The following CDH13 variants were observed in gnomAD, a reference collection of about 807,000 sequenced individuals.
The protein encoded by CDH13 is cadherin 13.
In CDH13, 24 loss-of-function variants were observed where a neutral mutation model predicts 63.8. The ratio of observed to expected loss-of-function variants is 0.38; its 90% CI spans 0.27 to 0.53. CDH13 has a LOEUF of 0.53. Ranked by LOEUF, CDH13 falls within the 20% of genes least tolerant of loss-of-function variation. The pLI, the probability that CDH13 is intolerant of heterozygous loss-of-function variation, is 0.85. For synonymous variants in CDH13, 503 were observed against 355.3 expected (o/e 1.42, Z -4.67); for missense variants, 1,049 against 903.1 (o/e 1.16, Z -2.07).
At position 83,545,014 on chromosome 16, in the gene CDH13, C is replaced by T. The variant is rs144366762; in HGVS notation, c.961-57440C>T. On this transcript the variant is annotated intron_variant, in intron 7 of 13. Transcript: ENST00000567109. ...TTTCCTTAAACTAACTAGAAGATTC[C>T]ATTCACTGGAAACATACTTAATGAT... Among the ~76,000 whole-genome samples the T allele has an allele frequency of 8.6e-4, 131 of 152,300 alleles. 1 individual carries two copies. The highest frequency in any genetic ancestry group is 3.0e-3 in the African/African-American group (124 of 41,572).
rs116405352 is a variant in CDH13 at position 82,934,398 on chromosome 16, G to T, written c.157+75925G>T. ...GTCCTTAGGCTGCACACAGCTGGGG[G>T]GCCCTGGCTCCAGCCCACAAAACCA... On this transcript the variant is annotated intron_variant, in intron 2 of 13. Coordinates refer to ENST00000567109, the MANE Select transcript of CDH13 (RefSeq NM_001257.5). Among the ~76,000 whole-genome samples the T allele has an allele frequency of 7.5e-3, 1,135 of 152,286 alleles. 7 individuals are homozygous for T. The highest frequency in any genetic ancestry group is 0.024 in the African/African-American group (1,017 of 41,562).
At chr16:82,833,532 TG>T (rs1410144877) in intron 1 of CDH13, among the ~76,000 whole-genome samples, 7 of 152,218 alleles carry the variant, frequency 4.6e-5, no homozygotes, top group African/African-American at 1.4e-4. Flanking sequence ...TTGCAAAGCA[TG>T]GTCTGAGTGC....
intron 6 of CDH13, among the ~76,000 whole-genome samples, chr16:83,402,539 C>T (rs770014460): frequency 9.9e-5 from 15 of 152,192 alleles, no homozygotes; most frequent in Non-Finnish European, 1.8e-4. Context: ...TCATCACTTG[C>T]CCCAGCAAGT....
At chr16:82,827,734 T>G (rs2038322844) in intron 1 of CDH13, among the ~76,000 whole-genome samples, 1 of 152,184 alleles carries the variant, frequency 6.6e-6, no homozygotes, top group African/African-American at 2.4e-5. Flanking sequence ...TGAATGCCCT[T>G]TTTTACTTGA....
intron 6 of CDH13, among the ~76,000 whole-genome samples, chr16:83,372,132 G>T (rs1032630111): frequency 6.6e-6 from 1 of 152,142 alleles, no homozygotes; most frequent in African/African-American, 2.4e-5. Flanking sequence ...CCTTTCAGAT[G>T]TACACCTCAC....
intron 2 of CDH13, chr16:82,925,898 A>G (rs1017515545): frequency 3.9e-5 from 6 of 152,090 alleles, no homozygotes; most frequent in Admixed American, 2.6e-4. Flanking sequence ...CATTCTGTCT[A>G]CAAACTCCTT....
intron 2 of CDH13, among the ~76,000 whole-genome samples, chr16:82,942,305 T>C (rs1423481953): frequency 6.6e-6 from 1 of 152,194 alleles, no homozygotes; most frequent in East Asian, 1.9e-4. Context: ...ATTGCAGCCA[T>C]AAATCAAATA....
intron 4 of CDH13, among the ~76,000 whole-genome samples, chr16:83,164,294 C>T (rs568138553): frequency 2.0e-5 from 3 of 152,124 alleles, no homozygotes; most frequent in African/African-American, 7.2e-5. Flanking sequence ...TGAGGCCACA[C>T]ATCACACACC....
chr16:83,670,911 G>T lies in CDH13; in HGVS notation c.1223G>T (p.Gly408Val), dbSNP rs1914443927. The change falls in exon 9 of 14, where the codon GGG becomes GTG. Residue 408 changes from glycine (G) to valine (V), a missense_variant. Transcript: ENST00000567109. ...AAYTIINGNP[G>V]QSFEIHTNPQ... ...TACACCATCATCAACGGAAACCCCG[G>T]GCAGAGCTTTGAAATCCACACCAAC... 1 of 1,612,736 alleles carries T rather than the reference G, an allele frequency of 6.2e-7. No individual in the cohort carries two copies.
intron 12 of CDH13, among the ~76,000 whole-genome samples, chr16:83,781,534 C>G (rs1036536902): frequency 2.0e-5 from 3 of 152,024 alleles, no homozygotes; most frequent in South Asian, 2.1e-4. Flanking sequence ...ATAGCCCTAT[C>G]TCATATCTCA....
Position 82,784,693 on chromosome 16 carries a change from ACT to A in CDH13, c.46-73662_46-73661del, listed in dbSNP as rs368930406. ...CTTCAGGGCACCATGAGAGCTGGTAACTCTCTCTATGGTGAGGTGAAGGGGAA... is the reference window on the plus strand; with the variant it reads ...CTTCAGGGCACCATGAGAGCTGGTAACTCTCTATGGTGAGGTGAAGGGGAA... On this transcript the variant is annotated intron_variant, in intron 1 of 13. Transcript: ENST00000567109. Among the ~76,000 whole-genome samples, 49 of 152,224 alleles carry A rather than the reference ACT, an allele frequency of 3.2e-4. No individual in the cohort carries two copies. In the South Asian group the frequency reaches 6.2e-3, roughly 19 times the overall value.
chr16:83,126,582 C>T (rs1477405653), intron 4 of CDH13, among the ~76,000 whole-genome samples: 1 of 152,074 alleles, frequency 6.6e-6, no homozygotes, highest in Admixed American at 6.6e-5. Flanking sequence ...CAGATTGGGA[C>T]TAATGGGAGA....
intron 1 of CDH13, among the ~76,000 whole-genome samples, chr16:82,850,727 C>G (rs1390208012): frequency 6.6e-6 from 1 of 152,174 alleles, no homozygotes; most frequent in Admixed American, 6.5e-5. Context: ...TTGCCACAGC[C>G]TCCCCAACCT....
intron 3 of CDH13, among the ~76,000 whole-genome samples, chr16:83,122,453 C>G (rs2035624533): frequency 6.6e-6 from 1 of 152,188 alleles, no homozygotes; most frequent in Non-Finnish European, 1.5e-5. Context: ...AGCAAACACC[C>G]TGACAGTGTC....
At chr16:82,806,234 T>C (rs1362467734) in intron 1 of CDH13, among the ~76,000 whole-genome samples, 4 of 152,188 alleles carry the variant, frequency 2.6e-5, no homozygotes, top group African/African-American at 9.6e-5. Flanking sequence ...CCCTTGTCCC[T>C]TCATAATAAA....
At chr16:83,503,645 A>G (rs1357057318) in intron 7 of CDH13, among the ~76,000 whole-genome samples, 4 of 152,190 alleles carry the variant, frequency 2.6e-5, no homozygotes, top group African/African-American at 9.6e-5. Context: ...ATGCTTGACC[A>G]GTGACGATGA....
Position 83,748,157 on chromosome 16 carries a change from A to G in CDH13, c.1588A>G (p.Asn530Asp). 1 of 1,613,954 alleles carries G rather than the reference A, an allele frequency of 6.2e-7. No individual in the cohort carries two copies. The highest frequency in any genetic ancestry group is 8.5e-7 in the Non-Finnish European group (1 of 1,179,846). Residue 530 changes from asparagine to aspartate, a missense_variant, in exon 11 of 14, where the codon AAT becomes GAT. Asn to Asp is a conservative substitution (Grantham distance 23, BLOSUM62 1). Transcript: ENST00000567109. The stretch of plus-strand genomic sequence containing the variant: ...AGGTTGGCTGAATATTAACCCCATC[A>G]ATGGGACTGTTGACACCACAGCTGT... ...PAGWLNINPI[N>D]GTVDTTAVLD...
intron 2 of CDH13, among the ~76,000 whole-genome samples, chr16:82,964,004 C>T (rs1409639067): frequency 6.6e-6 from 1 of 152,150 alleles, no homozygotes; most frequent in Non-Finnish European, 1.5e-5. Context: ...CACCAGTGCC[C>T]GGTGGAGCTG....
Position 82,956,163 on chromosome 16 carries a change from A to C in CDH13, c.158-75847A>C, listed in dbSNP as rs368281219. Among the ~76,000 whole-genome samples the C allele has an allele frequency of 5.9e-5, 9 of 151,626 alleles. No individual in the cohort carries two copies. In the East Asian group the frequency reaches 1.2e-3, roughly 20 times the overall value. On this transcript the variant is annotated intron_variant, in intron 2 of 13. Coordinates refer to ENST00000567109, the MANE Select transcript of CDH13 (RefSeq NM_001257.5). ...GGTGCTACTCACCGTGCTGTTGCCA[A>C]AACCACAAACATGGGCATGATTCTC...
Sources: gnomAD v4.1 joint callset for allele counts (sites outside exome capture counted in the v4.1 genomes callset) on GRCh38, gnomAD v4.1.1 for gene constraint, MANE v1.5 for transcripts, NCBI Gene and HGNC (gene_info 2026-07-23, HGNC 2026-07-21) for gene names.